The following LMNB2 variants were observed in gnomAD, a reference collection of about 807,000 sequenced individuals.
LMNB2 encodes the protein lamin-B2.
A neutral mutation model predicts 69.3 loss-of-function variants in LMNB2; 17 were observed. That is an observed-to-expected ratio of 0.25 (90% CI 0.17 to 0.37). The LOEUF is 0.37. LMNB2 is among the 10% of genes least tolerant of loss of function. The probability of loss-of-function intolerance (pLI) is 1.00; values close to 1 mark genes in which losing one functional copy is unlikely to be tolerated. For missense variants in LMNB2, 789 were observed against 883.6 expected, an observed-to-expected ratio of 0.89 and a Z score of 1.36; for synonymous variants, 397 against 389.3, an observed-to-expected ratio of 1.02 and a Z score of -0.23.
chr19:2,430,964 A>C lies in LMNB2; in HGVS notation c.1822-12T>G. The C allele has an allele frequency of 6.2e-7, 1 of 1,606,278 alleles. No individual in the cohort carries two copies. Among genetic ancestry groups the C allele is most frequent in the African/African-American group, 1.3e-5 (1 of 74,856 alleles). On this transcript the variant is annotated splice_polypyrimidine_tract_variant and intron_variant, in intron 11 of 11. Coordinates refer to ENST00000325327, the MANE Select transcript of LMNB2 (RefSeq NM_032737.4). ...GTCCTCGGGTCCCCCTGCAGGAAGG[A>C]AGGAAGGAAGGTCGGCCATGATCAG...
At chr19:2,454,533 G>A (rs147544935) in intron 1 of LMNB2, among the ~76,000 whole-genome samples, 15 of 152,204 alleles carry the variant, frequency 9.9e-5, no homozygotes, top group Middle Eastern at 6.8e-3. Context: ...ACCCAGAGAG[G>A]GTAAGCGACT....
chr19:2,442,005 C>T (rs1176163474), intron 2 of LMNB2, among the ~76,000 whole-genome samples: 1 of 152,202 alleles, frequency 6.6e-6, no homozygotes, highest in South Asian at 2.1e-4. Flanking sequence ...AGGGTGCGGG[C>T]TCCCAGGGCT....
In LMNB2 at chr19:2,429,451, G is replaced by A. The variant is rs1415981952; in HGVS notation, c.*1460C>T. The A allele has an allele frequency of 6.6e-6, 1 of 152,290 alleles. No homozygotes were observed. The highest frequency in any genetic ancestry group is 2.4e-5 in the African/African-American group (1 of 41,474). The allele number at this position is 152,290 out of a possible 1,614,324, so 9.4% of individuals were successfully genotyped here. On this transcript the variant is annotated 3_prime_UTR_variant, in exon 12 of 12. Coordinates refer to ENST00000325327, the MANE Select transcript of LMNB2 (RefSeq NM_032737.4). ...CGAGCAGGGGCTACGTGGAGCAGCG[G>A]GTGTTTCTGCTTTGTCGGCCGCTGG...
chr19:2,449,704 G>C (rs1485546119), intron 1 of LMNB2, among the ~76,000 whole-genome samples: 1 of 152,052 alleles, frequency 6.6e-6, no homozygotes, highest in African/African-American at 2.4e-5. Context: ...TTGAACCCGG[G>C]AGGCAGAGGT....
At chr19:2,433,781 A>G (rs1050241015) in intron 8 of LMNB2, 45 bp downstream of exon 8, 3 of 1,602,308 alleles carry the variant, frequency 1.9e-6, no homozygotes, top group African/African-American at 1.4e-5. Context: ...CACCCCCATC[A>G]GCTGGGTCAC....
rs552075748 is a variant in LMNB2 at position 2,430,973 on chromosome 19, A to C, written c.1822-21T>G. 1.3e-5 allele frequency: 21 copies of C among 1,598,574 alleles called. No individual in the cohort carries two copies. The East Asian group carries it at 4.5e-4, about 34-fold the overall frequency. Reference sequence around the variant, plus strand: ...TCCCCCTGCAGGAAGGAAGGAAGGAAGGTCGGCCATGATCAGGGCCAGCCT... The same window carrying C: ...TCCCCCTGCAGGAAGGAAGGAAGGACGGTCGGCCATGATCAGGGCCAGCCT... On this transcript the variant is annotated intron_variant, in intron 11 of 11. Coordinates refer to ENST00000325327, the MANE Select transcript of LMNB2 (RefSeq NM_032737.4).
Position 2,444,401 on chromosome 19 carries a change from C to A in LMNB2, c.401+3G>T, listed in dbSNP as rs1348559759. The A allele has an allele frequency of 6.2e-7, 1 of 1,613,772 alleles. No homozygotes were observed. Among genetic ancestry groups the A allele is most frequent in the Non-Finnish European group, 8.5e-7 (1 of 1,180,028 alleles). ...GACGTCGTGCCCAGCCGTGACCACT[C>A]ACCTCTTGTTGACCTCGTCCAACTC... On this transcript the variant is annotated splice_donor_region_variant and intron_variant, in intron 2 of 11. Transcript: ENST00000325327.
At chr19:2,446,648 G>A (rs1282496448) in intron 1 of LMNB2, among the ~76,000 whole-genome samples, 1 of 152,226 alleles carries the variant, frequency 6.6e-6, no homozygotes, top group Non-Finnish European at 1.5e-5. Flanking sequence ...CCGTCAAGAA[G>A]ACAGACAGTC....
intron 7 of LMNB2, 94 bp downstream of exon 7, chr19:2,434,201 C>A: frequency 6.5e-7 from 1 of 1,544,628 alleles, no homozygotes; most frequent in Non-Finnish European, 8.7e-7. Context: ...CACCTCCACC[C>A]CTGCCCAGCA....
chr19:2,436,762 C>A, intron 4 of LMNB2: 1 of 155,606 alleles, frequency 6.4e-6, no homozygotes, highest in South Asian at 1.7e-4. Flanking sequence ...CACGGCCGCC[C>A]TTCCGCCCCC....
At chr19:2,440,293 C>T (rs550425552) in intron 2 of LMNB2, among the ~76,000 whole-genome samples, 1 of 151,476 alleles carries the variant, frequency 6.6e-6, no homozygotes, top group South Asian at 2.1e-4. Context: ...CGGGTTCAAG[C>T]GATTCTCCTC....
chr19:2,445,592 A>C (rs1599338728), intron 1 of LMNB2, among the ~76,000 whole-genome samples: 1 of 53,730 alleles, frequency 1.9e-5, no homozygotes. Context: ...CCAACTCCCC[A>C]CCCCACCAGC....
Position 2,444,551 on chromosome 19 carries a change from C to G in LMNB2, c.265-11G>C. ...CTTGATGCCACTCACCTGGGGAGAC[C>G]CAGGACAGGGTGAAGCGAGAGGGAC... On this transcript the variant is annotated splice_polypyrimidine_tract_variant and intron_variant, in intron 1 of 11. Transcript: ENST00000325327. 6.2e-7 allele frequency: 1 copy of G among 1,607,920 alleles called. No homozygotes were observed. Among genetic ancestry groups the G allele is most frequent in the Non-Finnish European group, 8.5e-7 (1 of 1,179,988 alleles).
At chr19:2,448,532 C>T (rs1343893096) in intron 1 of LMNB2, among the ~76,000 whole-genome samples, 2 of 152,228 alleles carry the variant, frequency 1.3e-5, no homozygotes, top group African/African-American at 4.8e-5. Flanking sequence ...ACCCCCAGAC[C>T]ATGTGCACGG....
At position 2,434,586 on chromosome 19, in the gene LMNB2, C is replaced by T. The variant is rs574853776; in HGVS notation, c.982-71G>A. ...CAAGGCCCAGGTGATCCTGGGACTG[C>T]GGGAGATGGGCCCTCACCACAGACT... On this transcript the variant is annotated intron_variant, in intron 6 of 11. Coordinates refer to ENST00000325327, the MANE Select transcript of LMNB2 (RefSeq NM_032737.4). The T allele has an allele frequency of 3.0e-4, 470 of 1,545,984 alleles. 1 individual carries two copies. The highest frequency in any genetic ancestry group is 3.4e-5 in the Non-Finnish European group (39 of 1,140,334).
intron 10 of LMNB2, 56 bp from the exon 11 acceptor site, chr19:2,431,714 G>A (rs940259022): frequency 5.6e-6 from 9 of 1,613,610 alleles, no homozygotes; most frequent in East Asian, 2.2e-5. Flanking sequence ...AGCTGCTGTG[G>A]CGGCCCCGAG....
chr19:2,435,106 C>A lies in LMNB2; in HGVS notation c.750G>T (p.Gln250His). Residue 250 changes from glutamine (Q) to histidine (H), a missense_variant, in exon 5 of 12, where the codon CAG (glutamine) becomes CAT (histidine). Gln to His is a conservative substitution (Grantham distance 24, BLOSUM62 0). Coordinates refer to ENST00000325327, the MANE Select transcript of LMNB2 (RefSeq NM_032737.4). The part of the protein sequence containing the change: ...RLVEVDSSRQ[Q>H]EYDFKMAQAL... ...CCTGTGCCATCTTGAAGTCGTACTC[C>A]TGCTGCCGGCTGCTGTCCACCTCCA... is the stretch of plus-strand genomic sequence containing the variant. 1 of 1,608,882 alleles carries A rather than the reference C, an allele frequency of 6.2e-7. No individual in the cohort carries two copies. Among genetic ancestry groups the A allele is most frequent in the Non-Finnish European group, 8.5e-7 (1 of 1,179,756 alleles).
chr19:2,440,733 C>T (rs1305205784), intron 2 of LMNB2, among the ~76,000 whole-genome samples: 1 of 151,962 alleles, frequency 6.6e-6, no homozygotes, highest in Non-Finnish European at 1.5e-5. Context: ...TCCATCCATC[C>T]ATCCATCTAT....
chr19:2,450,036 C>T (rs1033331577), intron 1 of LMNB2, among the ~76,000 whole-genome samples: 7 of 151,994 alleles, frequency 4.6e-5, no homozygotes, highest in Non-Finnish European at 1.0e-4. Context: ...GATCACGCCA[C>T]TGCACTCCAG....
Sources: gnomAD v4.1 joint callset for allele counts (sites outside exome capture counted in the v4.1 genomes callset) on GRCh38, gnomAD v4.1.1 for gene constraint, MANE v1.5 for transcripts, NCBI Gene and HGNC (gene_info 2026-07-23, HGNC 2026-07-21) for gene names.